The following DIP2C variants were observed in gnomAD, a reference collection of about 807,000 sequenced individuals.
The protein encoded by DIP2C is DIP2 acetate--CoA ligase C (putative), also known as disco-interacting protein 2 homolog C.
In DIP2C, 33 loss-of-function variants were observed where a neutral mutation model predicts 192.4. That is an observed-to-expected ratio of 0.17 (90% CI 0.13 to 0.23). The LOEUF is 0.23. DIP2C is among the 10% of genes least tolerant of loss of function. The pLI is 1.00. For missense variants in DIP2C, 1,537 were observed against 2,110.1 expected (o/e 0.73, Z 5.32); for synonymous variants, 979 against 864.1 (o/e 1.13, Z -2.33).
intron 2 of DIP2C, among the ~76,000 whole-genome samples, chr10:473,206 A>G (rs182598093): frequency 6.6e-6 from 1 of 152,240 alleles, no homozygotes; most frequent in South Asian, 2.1e-4. Flanking sequence ...ATTGATGTGA[A>G]TCCACCTGTC....
intron 1 of DIP2C, among the ~76,000 whole-genome samples, chr10:611,551 G>A (rs574335525): frequency 6.6e-6 from 1 of 152,170 alleles, no homozygotes; most frequent in Non-Finnish European, 1.5e-5. Context: ...ACCTTTCTCA[G>A]AGAAACCCCA....
chr10:612,059 G>A lies in DIP2C; in HGVS notation c.85+77435C>T, dbSNP rs1564268713. On this transcript the variant is annotated intron_variant, in intron 1 of 36. Transcript: ENST00000280886. Reference sequence around the variant, plus strand: ...GCCTGTCATCCCAGCACTTTGGGAGGCCAAGGTGAGCGCATCACCTGAGGT... The same window carrying A: ...GCCTGTCATCCCAGCACTTTGGGAGACCAAGGTGAGCGCATCACCTGAGGT... 2.0e-5 allele frequency among the ~76,000 whole-genome samples: 3 copies of A among 152,252 alleles called. No individual in the cohort carries two copies. The South Asian group carries it at 6.2e-4, about 32-fold the overall frequency.
At chr10:683,068 A>G (rs1000500341) in intron 1 of DIP2C, among the ~76,000 whole-genome samples, 1 of 152,216 alleles carries the variant, frequency 6.6e-6, no homozygotes, top group African/African-American at 2.4e-5. Context: ...GGCCGATGTC[A>G]CTACCAACAT....
chr10:581,273 A>G (rs1436449290), intron 1 of DIP2C, among the ~76,000 whole-genome samples: 2 of 152,196 alleles, frequency 1.3e-5, no homozygotes, highest in Non-Finnish European at 2.9e-5. Flanking sequence ...TTGTATGTCT[A>G]AAAAGTTAAT....
At chr10:404,243 G>A (rs189092229) in intron 9 of DIP2C, among the ~76,000 whole-genome samples, 1 of 145,848 alleles carries the variant, frequency 6.9e-6, no homozygotes, top group African/African-American at 2.5e-5. Context: ...GAGTCTTGTT[G>A]TGTCACCCAG....
At chr10:443,834 C>T (rs981789603) in intron 3 of DIP2C, among the ~76,000 whole-genome samples, 19 of 152,180 alleles carry the variant, frequency 1.2e-4, no homozygotes, top group African/African-American at 4.1e-4. Context: ...TGTGAAAAAT[C>T]TATCAAATAG....
intron 1 of DIP2C, among the ~76,000 whole-genome samples, chr10:679,743 G>T (rs913436777): frequency 3.5e-5 from 5 of 142,612 alleles, no homozygotes; most frequent in African/African-American, 1.0e-4. Context: ...ACGCCCATCT[G>T]TGCTCCCCAT....
At chr10:380,980 TCA>T (rs1564639565) in intron 17 of DIP2C, among the ~76,000 whole-genome samples, 1 of 152,200 alleles carries the variant, frequency 6.6e-6, no homozygotes, top group African/African-American at 2.4e-5. Context: ...TCCCTTCTGT[TCA>T]CACATTCAGA....
intron 32 of DIP2C, among the ~76,000 whole-genome samples, chr10:296,662 G>T (rs1256469621): frequency 2.0e-5 from 3 of 152,048 alleles, no homozygotes; most frequent in Admixed American, 6.5e-5. Context: ...TGATAGACTG[G>T]ATTAAGAAAA....
chr10:531,696 G>A (rs1171147831), intron 1 of DIP2C, among the ~76,000 whole-genome samples: 1 of 152,098 alleles, frequency 6.6e-6, no homozygotes, highest in Non-Finnish European at 1.5e-5. Flanking sequence ...GTCCTGGGGT[G>A]TGGGGAAATC....
At chr10:278,164 T>C (rs1462750041) in intron 36 of DIP2C, among the ~76,000 whole-genome samples, 4 of 150,770 alleles carry the variant, frequency 2.7e-5, no homozygotes, top group Non-Finnish European at 5.9e-5. Context: ...GCTCTGCTGC[T>C]GAGGGCCGTG....
chr10:685,266 T>C (rs894834159), intron 1 of DIP2C, among the ~76,000 whole-genome samples: 2 of 149,236 alleles, frequency 1.3e-5, no homozygotes, highest in Non-Finnish European at 1.5e-5. Flanking sequence ...TGCGCGAGCC[T>C]TCACCTCCCT....
At chr10:637,229 G>C (rs1431515341) in intron 1 of DIP2C, among the ~76,000 whole-genome samples, 2 of 152,172 alleles carry the variant, frequency 1.3e-5, no homozygotes, top group Admixed American at 1.3e-4. Flanking sequence ...GGCTGGGCGG[G>C]GGCTGACAAG....
At chr10:550,024 T>C (rs1181425244) in intron 1 of DIP2C, among the ~76,000 whole-genome samples, 6 of 148,554 alleles carry the variant, frequency 4.0e-5, no homozygotes, top group East Asian at 2.0e-4. Flanking sequence ...TTTTTTTTTT[T>C]CTCTTAAGAC....
chr10:338,743 A>C (rs537022884), intron 29 of DIP2C, among the ~76,000 whole-genome samples: 1 of 150,568 alleles, frequency 6.6e-6, no homozygotes, highest in South Asian at 2.1e-4. Context: ...ACAAGCTCTG[A>C]CTCCCCCACG....
intron 1 of DIP2C, among the ~76,000 whole-genome samples, chr10:623,127 T>C (rs1315795388): frequency 6.6e-6 from 1 of 152,160 alleles, no homozygotes; most frequent in East Asian, 1.9e-4. Flanking sequence ...GTGAGGTGGC[T>C]GCACGGAGCA....
chr10:540,565 G>T lies in DIP2C; in HGVS notation c.86-54035C>A, dbSNP rs566287339. On this transcript the variant is annotated intron_variant, in intron 1 of 36. Coordinates refer to ENST00000280886, the MANE Select transcript of DIP2C (RefSeq NM_014974.3). ...ATCTGTAGTGCTTACCAGAGCTGGGGTAGGAGGAAAGCTAGTGTTTGGTAG... is the reference window on the plus strand; with the variant it reads ...ATCTGTAGTGCTTACCAGAGCTGGGTTAGGAGGAAAGCTAGTGTTTGGTAG... Among the ~76,000 whole-genome samples the T allele has an allele frequency of 4.6e-5, 7 of 152,324 alleles. No homozygotes were observed. The East Asian group carries it at 1.4e-3, about 29-fold the overall frequency.
chr10:465,065 C>A (rs1050375941), intron 3 of DIP2C, among the ~76,000 whole-genome samples: 1 of 142,400 alleles, frequency 7.0e-6, no homozygotes. Flanking sequence ...GATACCAAAG[C>A]CAGGCAGAGA....
intron 3 of DIP2C, among the ~76,000 whole-genome samples, chr10:454,810 CT>C (rs1407702289): frequency 6.6e-6 from 1 of 150,800 alleles, no homozygotes; most frequent in Non-Finnish European, 1.5e-5. Flanking sequence ...ATGAGCACCC[CT>C]GGAACCCTCA....
Sources: gnomAD v4.1 joint callset for allele counts (sites outside exome capture counted in the v4.1 genomes callset) on GRCh38, gnomAD v4.1.1 for gene constraint, MANE v1.5 for transcripts, NCBI Gene and HGNC (gene_info 2026-07-23, HGNC 2026-07-21) for gene names.